The following FGF13 variants were observed in gnomAD, a reference collection of about 807,000 sequenced individuals.
The protein encoded by FGF13 is fibroblast growth factor homologous factor 2.
In FGF13, 2 loss-of-function variants were observed where a neutral mutation model predicts 19.5. The observed-to-expected ratio is 0.10, with a 90% confidence interval of 0.04 to 0.32. FGF13 has a LOEUF of 0.32. Among genes scored for constraint, FGF13 ranks in the 10% least tolerant of loss-of-function variants. The pLI is 1.00. For synonymous variants in FGF13, 72 were observed against 76.9 expected, an observed-to-expected ratio of 0.94 and a Z score of 0.33; for missense variants, 113 against 192.7, an observed-to-expected ratio of 0.59 and a Z score of 2.45.
intron 3 of FGF13, among the ~76,000 whole-genome samples, chrX:138,836,424 T>C (rs2091112712): frequency 8.9e-6 from 1 of 112,079 alleles, no homozygotes; most frequent in Non-Finnish European, 1.9e-5. Flanking sequence ...GCCTGTCTTA[T>C]TTCAGAAAGC....
intron 1 of FGF13, among the ~76,000 whole-genome samples, chrX:139,013,514 TATATATATATATATATAA>T (rs1235235308): frequency 2.8e-4 from 5 of 17,546 alleles, no homozygotes; most frequent in African/African-American, 6.1e-4. Context: ...TATATATATA[TATATATATATATATATAA>T]AATGAAATAC....
intron 1 of FGF13, among the ~76,000 whole-genome samples, chrX:139,081,037 T>C (rs1215513361): frequency 9.0e-6 from 1 of 111,000 alleles, no homozygotes; most frequent in Admixed American, 9.6e-5. Context: ...TATCCTTCCC[T>C]TCCACTTTAG....
intron 1 of FGF13, among the ~76,000 whole-genome samples, chrX:139,117,646 T>A (rs1196062634): frequency 1.8e-5 from 2 of 111,629 alleles, no homozygotes; most frequent in Non-Finnish European, 3.8e-5. Flanking sequence ...CATATCACAC[T>A]CTCCTGTTAA....
chrX:138,779,852 C>T (rs5931486), intron 3 of FGF13, among the ~76,000 whole-genome samples: 28,999 of 103,131 alleles, frequency 0.28, 3,394 homozygotes, highest in East Asian at 0.49. Context: ...AACTCCAAGA[C>T]ACATAATTGT....
At chrX:139,125,894 A>G (rs1396303536) in intron 1 of FGF13, among the ~76,000 whole-genome samples, 1 of 111,542 alleles carries the variant, frequency 9.0e-6, no homozygotes, top group Non-Finnish European at 1.9e-5. Context: ...GCTCACCTAC[A>G]TGCCATATCC....
At chrX:138,705,885 T>C (rs1405251481) in intron 2 of FGF13, among the ~76,000 whole-genome samples, 1 of 112,748 alleles carries the variant, frequency 8.9e-6, no homozygotes, top group Non-Finnish European at 1.9e-5. Context: ...AACACATTCA[T>C]TAAATACCTA....
At chrX:138,769,913 C>A (rs770711972) in intron 3 of FGF13, among the ~76,000 whole-genome samples, 1 of 112,138 alleles carries the variant, frequency 8.9e-6, no homozygotes, top group African/African-American at 3.2e-5. Context: ...TCATAGATTT[C>A]TCTCACTTTC....
intron 1 of FGF13, among the ~76,000 whole-genome samples, chrX:138,926,540 T>TA (rs1327106229): frequency 9.0e-6 from 1 of 110,994 alleles, no homozygotes; most frequent in African/African-American, 3.3e-5. Context: ...TTGTGAGCGA[T>TA]AAGCAAAGAC....
chrX:138,987,412 G>A (rs2091998588), intron 1 of FGF13, among the ~76,000 whole-genome samples: 1 of 111,849 alleles, frequency 8.9e-6, no homozygotes, highest in Non-Finnish European at 1.9e-5. Context: ...GCAGCAAAAT[G>A]GAAGGTGCAA....
At chrX:139,033,529 C>T (rs1349658181) in intron 1 of FGF13, among the ~76,000 whole-genome samples, 1 of 111,911 alleles carries the variant, frequency 8.9e-6, no homozygotes. Flanking sequence ...CAAAGTAACA[C>T]TGTTAGGAAG....
At chrX:139,053,996 A>G (rs1358261538) in intron 1 of FGF13, among the ~76,000 whole-genome samples, 1 of 109,722 alleles carries the variant, frequency 9.1e-6, no homozygotes, top group Non-Finnish European at 1.9e-5. Flanking sequence ...TCCCAGCACC[A>G]TTTGTTGAAA....
chrX:138,928,179 T>A (rs891475371), intron 1 of FGF13, among the ~76,000 whole-genome samples: 1 of 110,981 alleles, frequency 9.0e-6, no homozygotes, highest in African/African-American at 3.3e-5. Context: ...AATTTGATCT[T>A]CTTTGGATGT....
At chrX:139,003,551 G>T (rs906457650) in intron 1 of FGF13, among the ~76,000 whole-genome samples, 1 of 111,387 alleles carries the variant, frequency 9.0e-6, no homozygotes, top group Non-Finnish European at 1.9e-5. Context: ...TTAACAGGGC[G>T]CTGATTGGTG....
At chrX:138,760,632 C>T (rs2090460600) in intron 3 of FGF13, among the ~76,000 whole-genome samples, 1 of 112,072 alleles carries the variant, frequency 8.9e-6, no homozygotes, top group Admixed American at 9.5e-5. Flanking sequence ...TACCACTCCT[C>T]CTTATCCACA....
At chrX:138,980,710 A>G (rs1361640280) in intron 1 of FGF13, among the ~76,000 whole-genome samples, 2 of 104,774 alleles carry the variant, frequency 1.9e-5, no homozygotes, top group Non-Finnish European at 3.9e-5. Context: ...ATTAATGGCA[A>G]GGAAAGCATA....
At chrX:138,701,228 T>G (rs1314103918) in intron 3 of FGF13, among the ~76,000 whole-genome samples, 1 of 112,401 alleles carries the variant, frequency 8.9e-6, no homozygotes, top group Non-Finnish European at 1.9e-5. Flanking sequence ...ATATCTGGCA[T>G]GTGCTTTCTC....
At position 139,069,094 on chromosome X, in the gene FGF13, C is replaced by T. The variant is rs1392102213; in HGVS notation, c.-113+134322G>A. Among the ~76,000 whole-genome samples the T allele has an allele frequency of 1.2e-4, 12 of 103,078 alleles. No individual in the cohort carries two copies. The Admixed American group carries it at 1.2e-3, about 10-fold the overall frequency. 89.5% of individuals were successfully genotyped at this position (103,078 alleles called of 115,157 possible). A position where few individuals can be genotyped will look rare whatever the true frequency, so the allele number is the denominator to read the frequency against. ...TCTAGAACTGGAAATACCATTTGAC[C>T]CAGCCATCCCATTACTGGGTATATA... On this transcript the variant is annotated intron_variant, in intron 1 of 2. Coordinates refer to the FGF13 transcript ENST00000421460.
At chrX:138,793,630 G>A (rs768099148) in intron 3 of FGF13, among the ~76,000 whole-genome samples, 11 of 111,889 alleles carry the variant, frequency 9.8e-5, no homozygotes, top group African/African-American at 3.2e-4. Context: ...TAACCTATAC[G>A]TGTGAGGGCT....
At chrX:138,944,534 T>C (rs1045278540) in intron 1 of FGF13, among the ~76,000 whole-genome samples, 10 of 110,552 alleles carry the variant, frequency 9.0e-5, no homozygotes, top group African/African-American at 3.3e-4. Flanking sequence ...GAGAAGGAAT[T>C]ATTATGTGAT....
Sources: allele counts gnomAD v4.1 joint callset (sites outside exome capture counted in the v4.1 genomes callset), GRCh38; gene constraint gnomAD v4.1.1; transcripts MANE v1.5; gene names NCBI Gene and HGNC (gene_info 2026-07-23, HGNC 2026-07-21).